The following PIK3R6 variants were observed in gnomAD, a reference collection of about 807,000 sequenced individuals.
PIK3R6 encodes phosphoinositide 3-kinase regulatory subunit 6.
Under a neutral mutation model 84.9 loss-of-function variants are expected in PIK3R6, and 91 were observed. The observed-to-expected ratio is 1.07, with a 90% CI of 0.90 to 1.28. PIK3R6 has a LOEUF of 1.28. Among genes scored for constraint, PIK3R6 ranks in the 50% most tolerant of loss-of-function variants. The probability of loss-of-function intolerance (pLI) is 0.00; values close to 1 mark genes in which losing one functional copy is unlikely to be tolerated. For synonymous variants in PIK3R6, 416 were observed against 411.4 expected, an observed-to-expected ratio of 1.01 and a Z score of -0.13; for missense variants, 996 against 985.1, an observed-to-expected ratio of 1.01 and a Z score of -0.15.
chr17:8,861,086 G>C (rs1004318076), intron 1 of PIK3R6, among the ~76,000 whole-genome samples: 1 of 151,650 alleles, frequency 6.6e-6, no homozygotes, highest in Non-Finnish European at 1.5e-5. Flanking sequence ...GGAGGCTGAG[G>C]CAGGAGAATT....
intron 2 of PIK3R6, among the ~76,000 whole-genome samples, chr17:8,841,853 T>C (rs2088689418): frequency 6.6e-6 from 1 of 152,184 alleles, no homozygotes; most frequent in South Asian, 2.1e-4. Flanking sequence ...GGTTTGGATA[T>C]TTGACCCTCC....
At chr17:8,830,178 C>T (rs949259774) in intron 9 of PIK3R6, among the ~76,000 whole-genome samples, 1 of 152,206 alleles carries the variant, frequency 6.6e-6, no homozygotes, top group African/African-American at 2.4e-5. Flanking sequence ...GCAGGAAAGA[C>T]CCCTGCCCTT....
rs533542644 is a variant in PIK3R6, at chr17:8,866,403, G to T, written c.-92+1126C>A. Reference sequence around the variant, plus strand: ...TAAAAATACAAAAAATTAGCCAGGCGTGGTGGTGTGTGCCTGTAGTCCCAG... The same window carrying T: ...TAAAAATACAAAAAATTAGCCAGGCTTGGTGGTGTGTGCCTGTAGTCCCAG... On this transcript the variant is annotated intron_variant, in intron 1 of 19. Transcript: ENST00000619866. 2.8e-4 allele frequency among the ~76,000 whole-genome samples: 42 copies of T among 152,200 alleles called. No homozygotes were observed. In the South Asian group the frequency reaches 6.0e-3, roughly 22 times the overall value.
chr17:8,831,389 C>A (rs1389558767), intron 9 of PIK3R6, among the ~76,000 whole-genome samples: 1 of 145,644 alleles, frequency 6.9e-6, no homozygotes, highest in Non-Finnish European at 1.5e-5. Context: ...GACAGGTGCC[C>A]TTGGATGTGT....
At chr17:8,834,818 T>A in intron 8 of PIK3R6, among the ~76,000 whole-genome samples, 1 of 151,416 alleles carries the variant, frequency 6.6e-6, no homozygotes, top group Non-Finnish European at 1.5e-5. Flanking sequence ...CTAGGAATAC[T>A]GGCATTATCT....
chr17:8,831,354 A>T (rs1379759111), intron 9 of PIK3R6, among the ~76,000 whole-genome samples: 4 of 145,960 alleles, frequency 2.7e-5, no homozygotes, highest in Non-Finnish European at 6.0e-5. Flanking sequence ...AAAAAAAAAA[A>T]GGCACAGGGC....
chr17:8,827,451 A>G (rs2087960058), intron 12 of PIK3R6, among the ~76,000 whole-genome samples, 157 bp from the exon 13 acceptor site: 1 of 152,072 alleles, frequency 6.6e-6, no homozygotes, highest in African/African-American at 2.4e-5. Flanking sequence ...TGTTTTATAA[A>G]CTCAGATGAA....
intron 9 of PIK3R6, among the ~76,000 whole-genome samples, chr17:8,831,144 T>TAAAAA (rs2088222051): frequency 1.9e-5 from 1 of 52,942 alleles, no homozygotes; most frequent in Non-Finnish European, 3.2e-5. Context: ...AGATTGTGTC[T>TAAAAA]CAAAAAAAAA....
intron 18 of PIK3R6, among the ~76,000 whole-genome samples, chr17:8,817,568 G>A (rs2087580632): frequency 6.6e-6 from 1 of 152,124 alleles, no homozygotes; most frequent in Admixed American, 6.5e-5. Context: ...CTTGAACCAG[G>A]GAGTCGGAGG....
chr17:8,818,314 G>C (rs758903649), intron 18 of PIK3R6, among the ~76,000 whole-genome samples: 67 of 152,248 alleles, frequency 4.4e-4, no homozygotes, highest in Middle Eastern at 3.4e-3. Context: ...AGTCCAGAGA[G>C]GCCACTGGGT....
chr17:8,820,414 T>A (rs1276146522), intron 17 of PIK3R6, among the ~76,000 whole-genome samples: 1 of 146,420 alleles, frequency 6.8e-6, no homozygotes, highest in East Asian at 2.2e-4. Context: ...TATCTCCATT[T>A]TAGAAAAAAA....
chr17:8,848,479 C>T (rs1946982739), intron 2 of PIK3R6, among the ~76,000 whole-genome samples: 1 of 151,530 alleles, frequency 6.6e-6, no homozygotes, highest in Admixed American at 6.6e-5. Context: ...GCATAGCCTA[C>T]TACACACCTA....
chr17:8,845,063 C>CAG (rs2088784285), intron 2 of PIK3R6, among the ~76,000 whole-genome samples: 1 of 152,128 alleles, frequency 6.6e-6, no homozygotes, highest in South Asian at 2.1e-4. Flanking sequence ...TTTCTTTATC[C>CAG]AGTCTGTTGT....
intron 1 of PIK3R6, among the ~76,000 whole-genome samples, chr17:8,858,427 T>C (rs12953150): frequency 0.27 from 40,207 of 150,950 alleles, 5,847 homozygotes; most frequent in Non-Finnish European, 0.32. Flanking sequence ...AACGATTCTC[T>C]TGCCTTAGCC....
At position 8,862,587 on chromosome 17, in the gene PIK3R6, C is replaced by T. The variant is rs555000562; in HGVS notation, c.-92+4942G>A. ...TGGGGGTGGCTGATCTTTCTCGGGC[C>T]GTATCACGGACAGCTAAGGCTGCAA... On this transcript the variant is annotated intron_variant, in intron 1 of 19. Coordinates refer to ENST00000619866, the MANE Select transcript of PIK3R6 (RefSeq NM_001010855.4). This position sits in a 1 kb window ranked among gnomAD's most constrained non-coding sequence, Gnocchi z 4.3. Among the ~76,000 whole-genome samples, 4 of 152,034 alleles carry T rather than the reference C, an allele frequency of 2.6e-5. No homozygotes were observed. Among genetic ancestry groups the T allele is most frequent in the African/African-American group, 7.3e-5 (3 of 41,378 alleles).
intron 17 of PIK3R6, among the ~76,000 whole-genome samples, chr17:8,820,239 G>T (rs1199839168): frequency 6.6e-6 from 1 of 151,852 alleles, no homozygotes; most frequent in Non-Finnish European, 1.5e-5. Context: ...GTTTGTAGAA[G>T]TCTGCTCTAC....
At chr17:8,829,592 AC>A in intron 10 of PIK3R6, 113 bp downstream of exon 10, 1 of 1,076,458 alleles carries the variant, frequency 9.3e-7, no homozygotes, top group Non-Finnish European at 1.4e-6. Context: ...ACTGACACAC[AC>A]TCATGCATAC....
At chr17:8,866,567 G>A (rs959687604) in intron 1 of PIK3R6, among the ~76,000 whole-genome samples, 6 of 152,028 alleles carry the variant, frequency 3.9e-5, no homozygotes, top group Non-Finnish European at 8.8e-5. Flanking sequence ...ACCGGCCTGC[G>A]AGTGCTCCAC....
At chr17:8,819,833 C>G (rs775025231) in intron 17 of PIK3R6, among the ~76,000 whole-genome samples, 1 of 143,726 alleles carries the variant, frequency 7.0e-6, no homozygotes, top group African/African-American at 2.6e-5. Flanking sequence ...TACGTATATA[C>G]ACACACATAT....
Sources: allele counts gnomAD v4.1 joint callset (sites outside exome capture counted in the v4.1 genomes callset), GRCh38; gene constraint gnomAD v4.1.1; non-coding constraint Gnocchi (gnomAD v3.1); transcripts MANE v1.5; gene names NCBI Gene and HGNC (gene_info 2026-07-23, HGNC 2026-07-21).